The following TRPM6 variants were observed in gnomAD, a reference collection of about 807,000 sequenced individuals.
The protein encoded by TRPM6 is channel kinase 2.
In TRPM6, 111 loss-of-function variants were observed where a neutral mutation model predicts 247.6. The observed-to-expected ratio is 0.45, with a 90% CI of 0.38 to 0.52. The LOEUF is 0.52. Ranked by LOEUF, TRPM6 falls within the 20% of genes least tolerant of loss-of-function variation. The pLI is 0.00. For synonymous variants in TRPM6, 892 were observed against 853.8 expected (o/e 1.04, Z -0.78); for missense variants, 2,126 against 2,421.5 (o/e 0.88, Z 2.56).
At chr9:74,792,103 TCTACAAACACTG>T (rs1827924792) in intron 19 of TRPM6, among the ~76,000 whole-genome samples, 1 of 152,200 alleles carries the variant, frequency 6.6e-6, no homozygotes, top group African/African-American at 2.4e-5. Flanking sequence ...ATTGCTTAAT[TCTACAAACACTG>T]CTATTAATTT....
chr9:74,787,789 C>A (rs1359509496), intron 20 of TRPM6, among the ~76,000 whole-genome samples: 1 of 152,216 alleles, frequency 6.6e-6, no homozygotes, highest in Middle Eastern at 3.2e-3. Context: ...GATCTTGGCT[C>A]ACTGCAACCT....
chr9:74,828,081 T>C (rs776448738), intron 6 of TRPM6, 132 bp from the exon 7 acceptor site: 48 of 926,410 alleles, frequency 5.2e-5, no homozygotes, highest in Non-Finnish European at 7.3e-5. Context: ...CGGCCAGGCA[T>C]GGTGGCTCAT....
At chr9:74,768,178 T>G (rs183579611) in intron 25 of TRPM6, among the ~76,000 whole-genome samples, 1 of 152,322 alleles carries the variant, frequency 6.6e-6, no homozygotes, top group Non-Finnish European at 1.5e-5. Context: ...TGATACCGCC[T>G]TCTTCTAGTT....
intron 24 of TRPM6, among the ~76,000 whole-genome samples, chr9:74,773,919 C>G (rs1827130448): frequency 6.6e-6 from 1 of 152,290 alleles, no homozygotes; most frequent in Non-Finnish European, 1.5e-5. Context: ...CTACCCAACT[C>G]TAATGTCTTC....
chr9:74,876,901 A>G (rs1262016216), intron 1 of TRPM6, among the ~76,000 whole-genome samples: 1 of 152,224 alleles, frequency 6.6e-6, no homozygotes, highest in African/African-American at 2.4e-5. Context: ...CCGGAAGAAA[A>G]TCTGAAGCAC....
intron 1 of TRPM6, among the ~76,000 whole-genome samples, chr9:74,880,768 C>T (rs1481851056): frequency 6.6e-6 from 1 of 152,062 alleles, no homozygotes; most frequent in Non-Finnish European, 1.5e-5. Context: ...ACTAATAGGA[C>T]AAACACACAA....
At chr9:74,763,225 C>G (rs1323329513) in intron 25 of TRPM6, 91 bp from the exon 26 acceptor site, 3 of 1,281,314 alleles carry the variant, frequency 2.3e-6, no homozygotes, top group African/African-American at 1.5e-5. Context: ...TTAAATGGCT[C>G]CTGAGCCTCA....
At chr9:74,862,238 A>C (rs1285667525) in intron 1 of TRPM6, among the ~76,000 whole-genome samples, 2 of 152,056 alleles carry the variant, frequency 1.3e-5, no homozygotes, top group Non-Finnish European at 2.9e-5. Flanking sequence ...AGAGGCCTCC[A>C]TGTTCAGTTC....
intron 16 of TRPM6, 110 bp downstream of exon 16, chr9:74,801,788 C>T: frequency 1.5e-6 from 2 of 1,358,820 alleles, no homozygotes; most frequent in Admixed American, 1.7e-5. Context: ...CCATAAAATG[C>T]ATGGCGGTAA....
chr9:74,764,413 G>A (rs548479085), intron 25 of TRPM6, among the ~76,000 whole-genome samples: 1 of 152,268 alleles, frequency 6.6e-6, no homozygotes, highest in African/African-American at 2.4e-5. Flanking sequence ...AAGACGATAT[G>A]AAGACACACA....
chr9:74,850,392 C>CA (rs1830260608), intron 3 of TRPM6, among the ~76,000 whole-genome samples: 1 of 151,360 alleles, frequency 6.6e-6, no homozygotes, highest in African/African-American at 2.4e-5. Flanking sequence ...ATAACCAGAA[C>CA]AAGCGCAGGT....
At chr9:74,790,553 A>T (rs192186759) in intron 19 of TRPM6, among the ~76,000 whole-genome samples, 7 of 152,282 alleles carry the variant, frequency 4.6e-5, no homozygotes, top group African/African-American at 7.2e-5. Flanking sequence ...ACGTACATTA[A>T]TGGTCTCCCC....
intron 1 of TRPM6, among the ~76,000 whole-genome samples, chr9:74,864,675 T>C (rs1407787548): frequency 6.6e-6 from 1 of 152,204 alleles, no homozygotes; most frequent in Admixed American, 6.5e-5. Flanking sequence ...AAATTGAATG[T>C]CAACTAAATA....
intron 13 of TRPM6, among the ~76,000 whole-genome samples, chr9:74,808,653 T>C (rs1828620791): frequency 2.0e-5 from 3 of 152,238 alleles, no homozygotes; most frequent in African/African-American, 7.2e-5. Context: ...ACTGAATGTG[T>C]GTGATCCAAA....
At chr9:74,734,232 C>T (rs1252913116) in intron 36 of TRPM6, among the ~76,000 whole-genome samples, 2 of 152,280 alleles carry the variant, frequency 1.3e-5, no homozygotes, top group Middle Eastern at 3.4e-3. Flanking sequence ...CTCTAATCAA[C>T]CATGCTTCTG....
chr9:74,824,552 CT>C (rs1829264206), intron 7 of TRPM6, among the ~76,000 whole-genome samples: 1 of 90,970 alleles, frequency 1.1e-5, no homozygotes, highest in African/African-American at 3.5e-5. Context: ...AAAAATCTTA[CT>C]GATACACTAA....
At chr9:74,781,789 A>C (rs1827469097) in intron 23 of TRPM6, among the ~76,000 whole-genome samples, 1 of 152,110 alleles carries the variant, frequency 6.6e-6, no homozygotes, top group African/African-American at 2.4e-5. Context: ...ATCTCCTTGC[A>C]TTTTGATGTT....
At chr9:74,822,636 C>A (rs7024114) in intron 7 of TRPM6, among the ~76,000 whole-genome samples, 1 of 151,996 alleles carries the variant, frequency 6.6e-6, no homozygotes, top group Non-Finnish European at 1.5e-5. Context: ...CCATTTATTT[C>A]ATTTTTTATT....
At position 74,816,465 on chromosome 9, in the gene TRPM6, GAAAAAAAA is replaced by G. The variant is rs34100441; in HGVS notation, c.1308+196_1308+203del. Among the ~76,000 whole-genome samples the G allele has an allele frequency of 2.6e-3, 239 of 93,654 alleles. 1 individual carries two copies. Among genetic ancestry groups the G allele is most frequent in the African/African-American group, 9.3e-3 (230 of 24,622 alleles). The allele number at this position is 93,654 out of a possible 152,430, so 61.4% of individuals were successfully genotyped here. A position where few individuals can be genotyped will look rare whatever the true frequency, so the allele number is the denominator to read the frequency against. On this transcript the variant is annotated intron_variant, in intron 11 of 38. Coordinates refer to ENST00000360774, the MANE Select transcript of TRPM6 (RefSeq NM_017662.5). ...AGCTTCAGGTAGATTGCAGAGCCAG[GAAAAAAAA>G]AAAAAAAAAAAAAAAACAGATGGTT...
Sources: gnomAD v4.1 joint callset for allele counts (sites outside exome capture counted in the v4.1 genomes callset) on GRCh38, gnomAD v4.1.1 for gene constraint, MANE v1.5 for transcripts, NCBI Gene and HGNC (gene_info 2026-07-23, HGNC 2026-07-21) for gene names.